The following DOCK9 variants were observed in gnomAD, a reference collection of about 807,000 sequenced individuals.
The protein encoded by DOCK9 is dedicator of cytokinesis 9, also known as dedicator of cytokinesis protein 9.
DOCK9 carries 89 observed loss-of-function variants against 263.3 expected under a neutral mutation model. The ratio of observed to expected loss-of-function variants is 0.34; its 90% CI spans 0.28 to 0.40. The LOEUF (loss-of-function observed/expected upper bound fraction) is 0.40. Among genes scored for constraint, DOCK9 ranks in the 10% least tolerant of loss-of-function variants. DOCK9 has a pLI of 1.00. For missense variants in DOCK9, 2,140 were observed against 2,603.4 expected (o/e 0.82, Z 3.87); for synonymous variants, 976 against 973.1 (o/e 1.00, Z -0.06).
At chr13:98,858,914 G>A (rs1297103882) in intron 33 of DOCK9, 1 of 152,188 alleles carries the variant, frequency 6.6e-6, no homozygotes, top group African/African-American at 2.4e-5. Context: ...TTGTGGAAAT[G>A]ATCAAGGTTA....
chr13:98,883,422 A>T (rs979012229), intron 22 of DOCK9, among the ~76,000 whole-genome samples: 3 of 152,202 alleles, frequency 2.0e-5, no homozygotes, highest in Non-Finnish European at 4.4e-5. Context: ...TAATTTTTGT[A>T]TTTTTGTAGA....
At chr13:98,930,298 G>A (rs1327298088) in intron 2 of DOCK9, 41 bp from the exon 3 acceptor site, 1 of 1,545,628 alleles carries the variant, frequency 6.5e-7, no homozygotes, top group East Asian at 2.3e-5. Flanking sequence ...GGTAAGTGAA[G>A]GAGGCAGGTG....
At chr13:98,891,976 G>GT (rs1343654051) in intron 15 of DOCK9, among the ~76,000 whole-genome samples, 1 of 152,120 alleles carries the variant, frequency 6.6e-6, no homozygotes, top group African/African-American at 2.4e-5. Flanking sequence ...GGTTGTGTGC[G>GT]TGTTACACAA....
chr13:98,854,178 G>A (rs2093643975), intron 34 of DOCK9, among the ~76,000 whole-genome samples: 1 of 151,626 alleles, frequency 6.6e-6, no homozygotes, highest in Non-Finnish European at 1.5e-5. Flanking sequence ...AGAAAGCTTG[G>A]GGCAAACAAG....
intron 39 of DOCK9, among the ~76,000 whole-genome samples, chr13:98,833,468 T>C (rs1173100081): frequency 1.3e-5 from 2 of 152,188 alleles, no homozygotes; most frequent in Non-Finnish European, 2.9e-5. Context: ...CTGGCCCATG[T>C]TTCTAATGTT....
intron 1 of DOCK9, among the ~76,000 whole-genome samples, chr13:99,023,053 G>C (rs922603320): frequency 1.2e-4 from 18 of 152,166 alleles, no homozygotes; most frequent in Non-Finnish European, 4.4e-5. Context: ...AAAGCAGTTT[G>C]GCAATTCCTC....
chr13:98,910,740 T>C (rs1289834739), intron 9 of DOCK9, among the ~76,000 whole-genome samples: 2 of 152,110 alleles, frequency 1.3e-5, no homozygotes, highest in Non-Finnish European at 2.9e-5. Flanking sequence ...AGGCCCTTCT[T>C]TGTAATCTTA....
At chr13:99,082,603 T>G (rs1311134522) in intron 1 of DOCK9, among the ~76,000 whole-genome samples, 1 of 151,908 alleles carries the variant, frequency 6.6e-6, no homozygotes, top group African/African-American at 2.4e-5. Context: ...ATTGGTGGAA[T>G]AAGGGACTCT....
intron 49 of DOCK9, among the ~76,000 whole-genome samples, chr13:98,801,194 C>T (rs754568873): frequency 3.0e-4 from 45 of 152,054 alleles, no homozygotes; most frequent in African/African-American, 4.6e-4. Context: ...GAGGCTGACA[C>T]AGGAGGCTTG....
At chr13:98,831,105 T>C (rs2092743807) in intron 41 of DOCK9, among the ~76,000 whole-genome samples, 1 of 152,238 alleles carries the variant, frequency 6.6e-6, no homozygotes, top group East Asian at 1.9e-4. Flanking sequence ...CAATGGAATT[T>C]TAGTCAGTCC....
At chr13:98,875,893 C>T (rs2043754218) in intron 27 of DOCK9, among the ~76,000 whole-genome samples, 1 of 152,116 alleles carries the variant, frequency 6.6e-6, no homozygotes. Flanking sequence ...TAACAATGTA[C>T]AGTTTGGTTG....
At chr13:99,044,882 A>G (rs1888804125) in intron 1 of DOCK9, among the ~76,000 whole-genome samples, 1 of 152,210 alleles carries the variant, frequency 6.6e-6, no homozygotes, top group Non-Finnish European at 1.5e-5. Flanking sequence ...CGTGTTTCTC[A>G]GGAGCAGGAC....
chr13:99,021,397 T>C (rs1381751354), intron 1 of DOCK9, among the ~76,000 whole-genome samples: 1 of 152,104 alleles, frequency 6.6e-6, no homozygotes, highest in African/African-American at 2.4e-5. Flanking sequence ...CCCAGCACTT[T>C]GGGAGGCCAA....
At chr13:98,798,092 C>G (rs527540849) in intron 50 of DOCK9, among the ~76,000 whole-genome samples, 16 of 152,222 alleles carry the variant, frequency 1.1e-4, no homozygotes, top group South Asian at 1.0e-3. Flanking sequence ...CCTGCACCAC[C>G]CTTGCAAGCA....
intron 1 of DOCK9, among the ~76,000 whole-genome samples, chr13:99,014,607 G>A (rs1416302431): frequency 1.3e-5 from 2 of 152,218 alleles, no homozygotes; most frequent in Non-Finnish European, 2.9e-5. Flanking sequence ...AAAGGTCTCA[G>A]CATTTCTGCA....
chr13:98,961,546 C>T (rs528105104), intron 1 of DOCK9, among the ~76,000 whole-genome samples: 12 of 152,212 alleles, frequency 7.9e-5, no homozygotes, highest in Non-Finnish European at 1.5e-4. Flanking sequence ...GGGCCACCTC[C>T]CTCCTCCCCA....
chr13:99,062,709 A>G (rs568667746), intron 1 of DOCK9, among the ~76,000 whole-genome samples: 40 of 152,300 alleles, frequency 2.6e-4, no homozygotes, highest in Non-Finnish European at 5.6e-4. Context: ...TGCTTTCTCA[A>G]TACCAAATGG....
chr13:99,054,154 C>G (rs1244043183), intron 1 of DOCK9, among the ~76,000 whole-genome samples: 1 of 152,144 alleles, frequency 6.6e-6, no homozygotes, highest in East Asian at 1.9e-4. Context: ...AAATCTAGTT[C>G]ATGGGGATTA....
At position 99,014,594 on chromosome 13, in the gene DOCK9, G is replaced by A. The variant is rs375268633; in HGVS notation, c.130-59043C>T. Among the ~76,000 whole-genome samples the A allele has an allele frequency of 4.0e-4, 61 of 152,286 alleles. 2 individuals carry two copies. The highest frequency in any genetic ancestry group is 1.4e-3 in the African/African-American group (59 of 41,568). On this transcript the variant is annotated intron_variant, in intron 1 of 32. Coordinates refer to the DOCK9 transcript ENST00000427887. ...GTCTCAGATGGTAGCCTCACCAGCC[G>A]GGAAAGGTCTCAGCATTTCTGCATG...
Sources: allele counts gnomAD v4.1 joint callset (sites outside exome capture counted in the v4.1 genomes callset), GRCh38; gene constraint gnomAD v4.1.1; transcripts MANE v1.5; gene names NCBI Gene and HGNC (gene_info 2026-07-23, HGNC 2026-07-21).